The following CDC42BPA variants were observed in gnomAD, a reference collection of about 807,000 sequenced individuals.
CDC42BPA encodes the protein serine/threonine-protein kinase MRCK alpha.
Under a neutral mutation model 223.5 loss-of-function variants are expected in CDC42BPA, and 80 were observed. That is an observed-to-expected ratio of 0.36 (90% CI 0.30 to 0.43). CDC42BPA has a LOEUF of 0.43. Among genes scored for constraint, CDC42BPA ranks in the 20% least tolerant of loss-of-function variants. The pLI, the probability that CDC42BPA is intolerant of heterozygous loss-of-function variation, is 1.00. For synonymous variants in CDC42BPA, 694 were observed against 718.6 expected, an observed-to-expected ratio of 0.97 and a Z score of 0.55; for missense variants, 1,743 against 2,099.9, an observed-to-expected ratio of 0.83 and a Z score of 3.32.
intron 34 of CDC42BPA, 129 bp downstream of exon 34, chr1:227,015,951 G>C: frequency 1.5e-6 from 1 of 647,796 alleles, no homozygotes; most frequent in Non-Finnish European, 2.8e-6. Flanking sequence ...GACATATTGT[G>C]GTATACTGAG....
intron 1 of CDC42BPA, among the ~76,000 whole-genome samples, chr1:227,315,173 T>A (rs1014965002): frequency 6.6e-6 from 1 of 152,034 alleles, no homozygotes; most frequent in African/African-American, 2.4e-5. Context: ...TTATCCAGAC[T>A]TCCATACTAA....
intron 1 of CDC42BPA, among the ~76,000 whole-genome samples, chr1:227,278,357 T>C (rs565656318): frequency 1.8e-4 from 27 of 152,362 alleles, no homozygotes; most frequent in African/African-American, 2.4e-4. Context: ...CTGGAATTTA[T>C]GAAAATTTAT....
chr1:227,277,365 T>C (rs997380068), intron 1 of CDC42BPA, among the ~76,000 whole-genome samples: 6 of 152,198 alleles, frequency 3.9e-5, no homozygotes, highest in Admixed American at 1.3e-4. Context: ...AATGTAGAAA[T>C]GGCACCATTA....
At position 227,317,384 on chromosome 1, in the gene CDC42BPA, C is replaced by A. The variant is rs1559031708; in HGVS notation, c.-202G>T. 1 of 479,390 alleles carries A rather than the reference C, an allele frequency of 2.1e-6. No homozygotes were observed. 29.7% of individuals were successfully genotyped at this position (479,390 alleles called of 1,614,324 possible). ...AAGCGTCTTCAATTTCACCCATATA[C>A]ATATATTTTGAGGGTAAATTACCAT... On this transcript the variant is annotated 5_prime_UTR_variant, in exon 1 of 37. The change abolishes an upstream ATG in the 5' untranslated region. Transcript: ENST00000366766.
rs370186970 is a variant in CDC42BPA at position 227,163,132 on chromosome 1, ATG to A, written c.600-2498_600-2497del. Among the ~76,000 whole-genome samples the A allele has an allele frequency of 9.6e-5, 7 of 72,954 alleles. No individual in the cohort carries two copies. The South Asian group carries it at 2.4e-3, about 25-fold the overall frequency. 47.9% of individuals were successfully genotyped at this position (72,954 alleles called of 152,430 possible). A position where few individuals can be genotyped will look rare whatever the true frequency, so the allele number is the denominator to read the frequency against. On this transcript the variant is annotated intron_variant, in intron 5 of 36. Coordinates refer to ENST00000366766, the MANE Select transcript of CDC42BPA (RefSeq NM_001394014.1). ...TATATGTGTGTATGTTTCCAAACATATGTGTGTGTATGTTTCCAAACATATAT... is the reference window on the plus strand; with the variant it reads ...TATATGTGTGTATGTTTCCAAACATATGTGTGTATGTTTCCAAACATATAT...
chr1:227,232,939 C>A (rs1336134609), intron 2 of CDC42BPA, among the ~76,000 whole-genome samples: 2 of 152,220 alleles, frequency 1.3e-5, no homozygotes, highest in Non-Finnish European at 2.9e-5. Context: ...CCCTTCAAAG[C>A]TACTCAAGCC....
intron 30 of CDC42BPA, among the ~76,000 whole-genome samples, chr1:227,028,334 C>CA (rs1211344607): frequency 3.3e-5 from 5 of 152,100 alleles, no homozygotes; most frequent in African/African-American, 9.7e-5. Context: ...CTGATGCTTA[C>CA]AAGCACCATA....
At chr1:227,175,954 G>C (rs1558679846) in intron 5 of CDC42BPA, among the ~76,000 whole-genome samples, 1 of 152,152 alleles carries the variant, frequency 6.6e-6, no homozygotes, top group Non-Finnish European at 1.5e-5. Context: ...TGTATGTATG[G>C]TGTACTGGGT....
chr1:227,181,611 C>T lies in CDC42BPA; in HGVS notation c.599+12175G>A, dbSNP rs192118551. On this transcript the variant is annotated intron_variant, in intron 5 of 36. Coordinates refer to ENST00000366766, the MANE Select transcript of CDC42BPA (RefSeq NM_001394014.1). ...TTTGTTTTAAACCTGTTTTGGTTGT[C>T]GCTTACTCTCTATTATAACAGTTAA... is the stretch of plus-strand genomic sequence containing the variant. 1.9e-3 allele frequency among the ~76,000 whole-genome samples: 293 copies of T among 152,170 alleles called. 1 individual carries two copies. The highest frequency in any genetic ancestry group is 6.8e-3 in the African/African-American group (284 of 41,520).
intron 16 of CDC42BPA, among the ~76,000 whole-genome samples, chr1:227,082,172 TAAAA>T (rs1004264034): frequency 6.6e-6 from 1 of 151,838 alleles, no homozygotes; most frequent in Non-Finnish European, 1.5e-5. Flanking sequence ...GGATTACAGC[TAAAA>T]AAAATTAGTA....
intron 3 of CDC42BPA, among the ~76,000 whole-genome samples, chr1:227,206,747 A>C (rs1672799367): frequency 6.6e-6 from 1 of 152,190 alleles, no homozygotes. Flanking sequence ...AAAAGATAAA[A>C]GTTTTCTCAA....
rs371424194 is a variant in CDC42BPA at position 227,297,954 on chromosome 1, G to GTATA, written c.178+19047_178+19050dup. Among the ~76,000 whole-genome samples, 386 of 127,082 alleles carry GTATA rather than the reference G, an allele frequency of 3.0e-3. 5 individuals are homozygous for GTATA. Among genetic ancestry groups the GTATA allele is most frequent in the African/African-American group, 8.3e-3 (292 of 35,100 alleles). 83.4% of individuals were successfully genotyped at this position (127,082 alleles called of 152,430 possible). A position where few individuals can be genotyped will look rare whatever the true frequency, so the allele number is the denominator to read the frequency against. On this transcript the variant is annotated intron_variant, in intron 1 of 36. Coordinates refer to ENST00000366766, the MANE Select transcript of CDC42BPA (RefSeq NM_001394014.1). ...AATTTTGTTTTATGTGTGTGTGTGT[G>GTATA]TATATATACATATACACACACACAC...
intron 27 of CDC42BPA, 118 bp from the exon 28 acceptor site, chr1:227,031,632 C>A (rs1324560045): frequency 2.7e-6 from 2 of 740,882 alleles, no homozygotes; most frequent in Non-Finnish European, 4.5e-6. Flanking sequence ...TTAAATGATA[C>A]CATTACTGGA....
At position 227,258,208 on chromosome 1, in the gene CDC42BPA, G is replaced by T. The variant is rs1442851678; in HGVS notation, c.179-4053C>A. Among the ~76,000 whole-genome samples, 7 of 145,246 alleles carry T rather than the reference G, an allele frequency of 4.8e-5. 1 individual carries two copies. Among genetic ancestry groups the T allele is most frequent in the African/African-American group, 1.8e-4 (7 of 38,516 alleles). The stretch of plus-strand genomic sequence containing the variant: ...AAAAAAAAAAAAGAACTGAAAATGG[G>T]AGCCTGACTATCCCCCCAAATAATT... On this transcript the variant is annotated intron_variant, in intron 1 of 36. Coordinates refer to ENST00000366766, the MANE Select transcript of CDC42BPA (RefSeq NM_001394014.1).
At chr1:227,115,617 G>C (rs1473134525) in intron 12 of CDC42BPA, among the ~76,000 whole-genome samples, 1 of 151,926 alleles carries the variant, frequency 6.6e-6, no homozygotes, top group Non-Finnish European at 1.5e-5. Context: ...AACACACATT[G>C]AATGTTTTAA....
intron 21 of CDC42BPA, among the ~76,000 whole-genome samples, chr1:227,058,606 T>C (rs1324803675): frequency 2.0e-5 from 3 of 152,286 alleles, no homozygotes; most frequent in South Asian, 2.1e-4. Flanking sequence ...TTATGACTAG[T>C]GTTGGGATGT....
intron 14 of CDC42BPA, among the ~76,000 whole-genome samples, chr1:227,111,371 A>T (rs12128667): frequency 0.14 from 21,361 of 152,242 alleles, 1,878 homozygotes; most frequent in South Asian, 0.34. Flanking sequence ...TATACATAAT[A>T]CTATTATACT....
intron 21 of CDC42BPA, 164 bp downstream of exon 21, chr1:227,069,613 T>G: frequency 2.0e-6 from 1 of 494,632 alleles, no homozygotes; most frequent in Non-Finnish European, 3.7e-6. Flanking sequence ...ATAGTCTCCA[T>G]AAGAATGCAG....
chr1:227,282,740 A>G (rs894413880), intron 1 of CDC42BPA, among the ~76,000 whole-genome samples: 3 of 152,228 alleles, frequency 2.0e-5, no homozygotes, highest in African/African-American at 7.2e-5. Context: ...GCTAGTCAAA[A>G]AAGGACAAAT....
Sources: gnomAD v4.1 joint callset for allele counts (sites outside exome capture counted in the v4.1 genomes callset) on GRCh38, gnomAD v4.1.1 for gene constraint, MANE v1.5 for transcripts, NCBI Gene and HGNC (gene_info 2026-07-23, HGNC 2026-07-21) for gene names.